The following WARS1 variants were observed in gnomAD, a reference collection of about 807,000 sequenced individuals.
WARS1 encodes the protein tryptophan--tRNA ligase, cytoplasmic.
WARS1 carries 17 observed loss-of-function variants against 47.8 expected under a neutral mutation model. The ratio of observed to expected loss-of-function variants is 0.36; its 90% CI spans 0.24 to 0.53. The LOEUF is 0.53. Among genes scored for constraint, WARS1 ranks in the 20% least tolerant of loss-of-function variants. The pLI is 0.91. For missense variants in WARS1, 434 were observed against 608.0 expected (o/e 0.71, Z 3.01); for synonymous variants, 208 against 228.1 (o/e 0.91, Z 0.79).
chr14:100,343,226 T>A (rs369203175), intron 8 of WARS1, 49 bp downstream of exon 8: 21 of 1,499,468 alleles, frequency 1.4e-5, no homozygotes, highest in Non-Finnish European at 1.9e-5. Flanking sequence ...AAGAGGAACC[T>A]GCTGTCAATG....
In WARS1 at chr14:100,334,489, GAATATATATTTTTA is replaced by G. The variant is rs1458420322; in HGVS notation, c.*372_*385del. The G allele has an allele frequency of 6.3e-6, 1 of 159,224 alleles. No individual in the cohort carries two copies. Among genetic ancestry groups the G allele is most frequent in the African/African-American group, 2.4e-5 (1 of 41,672 alleles). The allele number at this position is 159,224 out of a possible 1,614,324, so 9.9% of individuals were successfully genotyped here. Reference sequence around the variant, plus strand: ...TTTCAATTCCATATACGCATACATAGAATATATATTTTTAAACAGAGTGGGTCTTAAGAGTATAC... The same window carrying G: ...TTTCAATTCCATATACGCATACATAGAACAGAGTGGGTCTTAAGAGTATAC... On this transcript the variant is annotated 3_prime_UTR_variant, in exon 11 of 11. Transcript: ENST00000392882.
At chr14:100,342,209 G>A (rs1194297684) in intron 9 of WARS1, 189 bp downstream of exon 9, 1 of 733,258 alleles carries the variant, frequency 1.4e-6, no homozygotes. Context: ...AAATTCACCT[G>A]ATTCATGTGG....
At position 100,364,910 on chromosome 14, in the gene WARS1, A is replaced by C. The variant is rs540782737; in HGVS notation, c.100-2989T>G. ...TCGTTTGAGGCCTACCTGGTGAGTA[A>C]ATCTCTTTCTGTAAAAAAGTAACTT... is the stretch of plus-strand genomic sequence containing the variant. On this transcript the variant is annotated intron_variant, in intron 2 of 10. Coordinates refer to ENST00000392882, the MANE Select transcript of WARS1 (RefSeq NM_004184.4). Among the ~76,000 whole-genome samples the C allele has an allele frequency of 1.2e-4, 18 of 152,284 alleles. 2 individuals carry two copies. In the South Asian group the frequency reaches 3.7e-3, roughly 32 times the overall value.
chr14:100,365,812 A>G (rs1895951531), intron 2 of WARS1: 1 of 246,704 alleles, frequency 4.1e-6, no homozygotes, highest in Admixed American at 4.9e-5. Context: ...TTCAGAAGCC[A>G]GAAAGCTGAT....
intron 2 of WARS1, chr14:100,365,543 G>A: frequency 5.0e-6 from 1 of 201,774 alleles, no homozygotes; most frequent in South Asian, 5.5e-5. Flanking sequence ...CTGTGCCAGT[G>A]CACTCCAGCC....
chr14:100,346,988 G>A (rs1216950765), intron 6 of WARS1, 142 bp from the exon 7 acceptor site: 2 of 703,194 alleles, frequency 2.8e-6, no homozygotes, highest in Non-Finnish European at 5.0e-6. Flanking sequence ...TAAGCACTGG[G>A]AAGGTGCCAG....
At chr14:100,364,934 T>A (rs577246033) in intron 2 of WARS1, among the ~76,000 whole-genome samples, 1 of 151,948 alleles carries the variant, frequency 6.6e-6, no homozygotes, top group South Asian at 2.1e-4. Context: ...AAAAAGTAAC[T>A]TTTTTTTGAC....
chr14:100,342,989 G>T (rs927054927), intron 8 of WARS1, among the ~76,000 whole-genome samples: 20 of 152,178 alleles, frequency 1.3e-4, no homozygotes, highest in Non-Finnish European at 7.3e-5. Context: ...TGCCTCTGGG[G>T]TTCAAGCGAG....
intron 7 of WARS1, among the ~76,000 whole-genome samples, chr14:100,345,579 T>G (rs1239124547): frequency 6.6e-6 from 1 of 151,980 alleles, no homozygotes; most frequent in Non-Finnish European, 1.5e-5. Flanking sequence ...TTCACTTGTT[T>G]ATCTGCTGAC....
At chr14:100,347,055 G>A (rs1003819310) in intron 6 of WARS1, among the ~76,000 whole-genome samples, 3 of 152,260 alleles carry the variant, frequency 2.0e-5, no homozygotes, top group African/African-American at 7.2e-5. Flanking sequence ...ACGTTTACCT[G>A]TGGAGTTGAC....
At chr14:100,340,898 A>T (rs998026485) in intron 9 of WARS1, among the ~76,000 whole-genome samples, 1 of 149,800 alleles carries the variant, frequency 6.7e-6, no homozygotes, top group African/African-American at 2.4e-5. Context: ...TCCATAAACA[A>T]GTTTTTCTTT....
At chr14:100,347,939 C>T (rs1033614318) in intron 6 of WARS1, among the ~76,000 whole-genome samples, 3 of 152,184 alleles carry the variant, frequency 2.0e-5, no homozygotes, top group African/African-American at 7.2e-5. Flanking sequence ...CTAGGCCCTA[C>T]CATGTGTTAG....
chr14:100,366,916 T>C lies in WARS1; in HGVS notation c.99+2171A>G. On this transcript the variant is annotated intron_variant, in intron 2 of 10. Coordinates refer to ENST00000392882, the MANE Select transcript of WARS1 (RefSeq NM_004184.4). ...AGTCCCTGAATAAAGATAAGAAGCA[T>C]CACTGAAGATAATACCTGGAAGTAT... The C allele has an allele frequency of 9.3e-6, 15 of 1,607,148 alleles. No homozygotes were observed. The South Asian group carries it at 1.5e-4, about 17-fold the overall frequency.
intron 8 of WARS1, 79 bp downstream of exon 8, chr14:100,343,196 A>T: frequency 8.0e-7 from 1 of 1,248,026 alleles, no homozygotes; most frequent in Non-Finnish European, 1.1e-6. Context: ...ATCTTTCAAT[A>T]CCTCTCCCCG....
Position 100,373,311 on chromosome 14 carries a change from T to C in WARS1, c.-74+1972A>G, listed in dbSNP as rs946017336. ...TCTTGTTTAACGTCCTGGTACTGAG[T>C]TGAGCTTTCCCACATCTAAGGAGAG... On this transcript the variant is annotated intron_variant, in intron 1 of 10. Transcript: ENST00000392882. The surrounding 1 kb of genome is among the most constrained non-coding windows in gnomAD (Gnocchi z 4.4). Among the ~76,000 whole-genome samples the C allele has an allele frequency of 2.6e-5, 4 of 152,168 alleles. No homozygotes were observed. Among genetic ancestry groups the C allele is most frequent in the African/African-American group, 9.7e-5 (4 of 41,442 alleles).
At chr14:100,341,209 C>T (rs892398689) in intron 9 of WARS1, among the ~76,000 whole-genome samples, 2 of 152,172 alleles carry the variant, frequency 1.3e-5, no homozygotes, top group African/African-American at 2.4e-5. Flanking sequence ...AGCTATCGCA[C>T]CTGGCCATAA....
chr14:100,336,275 C>CAAAAA (rs56343247), intron 10 of WARS1, among the ~76,000 whole-genome samples: 6 of 113,924 alleles, frequency 5.3e-5, no homozygotes, highest in Non-Finnish European at 1.1e-4. Context: ...GACTCTGTCT[C>CAAAAA]AAAAAAAAAA....
Position 100,374,496 on chromosome 14 carries a change from C to T in WARS1, c.-74+787G>A, listed in dbSNP as rs546582795. On this transcript the variant is annotated intron_variant, in intron 1 of 10. Transcript: ENST00000392882. ...CACTGTGGTGGAGGAGCATAATAGG[C>T]ACTTAAAGAAACTGGGTATTGTATT... 9.2e-5 allele frequency among the ~76,000 whole-genome samples: 14 copies of T among 152,248 alleles called. No homozygotes were observed. The South Asian group carries it at 2.5e-3, about 27-fold the overall frequency.
intron 7 of WARS1, among the ~76,000 whole-genome samples, chr14:100,345,423 C>T (rs1218356549): frequency 9.9e-5 from 15 of 152,116 alleles, no homozygotes; most frequent in African/African-American, 1.7e-4. Flanking sequence ...GGATTAAGGG[C>T]GGTGCAAGAT....
Sources: allele counts gnomAD v4.1 joint callset (sites outside exome capture counted in the v4.1 genomes callset), GRCh38; gene constraint gnomAD v4.1.1; non-coding constraint Gnocchi (gnomAD v3.1); transcripts MANE v1.5; gene names NCBI Gene and HGNC (gene_info 2026-07-23, HGNC 2026-07-21).